Variants in UTY observed in about 807,000 individuals in gnomAD.
UTY encodes ubiquitously transcribed tetratricopeptide repeat containing, Y-linked.
Under a neutral mutation model 32.5 loss-of-function variants are expected in UTY, and 12 were observed. That is an observed-to-expected ratio of 0.37 (90% CI 0.24 to 0.60). The LOEUF is 0.60. Among genes scored for constraint, UTY ranks in the 20% least tolerant of loss-of-function variants. The pLI, the probability that UTY is intolerant of heterozygous loss-of-function variation, is 0.69. For missense variants in UTY, 303 were observed against 299.2 expected (o/e 1.01, Z -0.09); for synonymous variants, 131 against 103.4 (o/e 1.27, Z -1.62).
chrY:13,396,984 A>T lies in UTY; in HGVS notation c.556-12T>A. The stretch of plus-strand genomic sequence containing the variant: ...GCTAACTGAAAATGCTGCAAGAGAA[A>T]AGTAAAAATATTAATGCACTAAATT... On this transcript the variant is annotated splice_polypyrimidine_tract_variant and intron_variant, in intron 6 of 29. Transcript: ENST00000545955. 1 of 337,564 alleles carries T rather than the reference A, an allele frequency of 3.0e-6. No homozygotes were observed. The highest frequency in any genetic ancestry group is 4.1e-6 in the Non-Finnish European group (1 of 241,896). The allele number at this position is 337,564 out of a possible 400,897, so 84.2% of individuals were successfully genotyped here. A position where few individuals can be genotyped will look rare whatever the true frequency, so the allele number is the denominator to read the frequency against.
chrY:13,285,537 C>T, intron 27 of UTY, among the ~76,000 whole-genome samples: 1 of 34,300 alleles, frequency 2.9e-5, no homozygotes, highest in African/African-American at 1.1e-4. Flanking sequence ...AAGCTTTTCA[C>T]GAGTTAAAAA....
chrY:13,479,748 A>T lies in UTY; in HGVS notation c.-83T>A. 2.9e-6 allele frequency: 1 copy of T among 349,879 alleles called. No individual in the cohort carries two copies. Among genetic ancestry groups the T allele is most frequent in the Non-Finnish European group, 4.0e-6 (1 of 249,362 alleles). The allele number at this position is 349,879 out of a possible 400,897, so 87.3% of individuals were successfully genotyped here. ...AAGACGCCTTCAATCGCTGCTTGAG[A>T]CTGTGACGCCAATTTTATCGCCTCC... On this transcript the variant is annotated 5_prime_UTR_variant, in exon 1 of 30. Transcript: ENST00000545955.
At chrY:13,435,537 T>C (rs2074452857) in intron 4 of UTY, among the ~76,000 whole-genome samples, 1 of 34,497 alleles carries the variant, frequency 2.9e-5, no homozygotes, top group Non-Finnish European at 7.3e-5. Flanking sequence ...TCAAACAACA[T>C]GTAAGCAAGC....
chrY:13,343,457 A>C (rs2061639966), intron 17 of UTY, among the ~76,000 whole-genome samples: 14 of 32,981 alleles, frequency 4.2e-4, no homozygotes, highest in Non-Finnish European at 9.7e-4. Flanking sequence ...ACTGCTGCCA[A>C]AAGAGTGGGC....
chrY:13,472,898 G>A, intron 2 of UTY, among the ~76,000 whole-genome samples: 7 of 33,569 alleles, frequency 2.1e-4, no homozygotes, highest in Admixed American at 1.9e-3. Flanking sequence ...GAAACATTTT[G>A]AGATCATGCC....
chrY:13,461,981 T>C, intron 3 of UTY, among the ~76,000 whole-genome samples: 1 of 33,831 alleles, frequency 3.0e-5, no homozygotes, highest in African/African-American at 1.1e-4. Context: ...ACAAATGTTT[T>C]AAAATTGTAT....
chrY:13,327,082 T>C, intron 18 of UTY, among the ~76,000 whole-genome samples: 1 of 33,524 alleles, frequency 3.0e-5, no homozygotes, highest in Non-Finnish European at 7.4e-5. Flanking sequence ...TCTTTTAGTA[T>C]GCAAATAAGA....
intron 2 of UTY, chrY:13,478,926 A>G (rs2079405198): frequency 1.8e-5 from 1 of 56,714 alleles, no homozygotes; most frequent in Non-Finnish European, 3.5e-5. Flanking sequence ...GGGAAGAAGC[A>G]GGAAGTTATG....
intron 27 of UTY, among the ~76,000 whole-genome samples, chrY:13,267,955 ATTTTTTCCTTCATTTCAACC>A (rs2055974906): frequency 6.3e-5 from 2 of 31,949 alleles, no homozygotes; most frequent in Non-Finnish European, 1.5e-4. Context: ...TGCCCTTAAC[ATTTTTTCCTTCATTTCAACC>A]TTGGTGAATC....
At chrY:13,394,277 A>G (rs2067899420) in intron 7 of UTY, among the ~76,000 whole-genome samples, 1 of 33,617 alleles carries the variant, frequency 3.0e-5, no homozygotes. Flanking sequence ...TTTTACGTTA[A>G]AAACATAATA....
chrY:13,278,942 C>T, intron 27 of UTY, among the ~76,000 whole-genome samples: 2 of 33,935 alleles, frequency 5.9e-5, no homozygotes, highest in Middle Eastern at 0.027. Context: ...AGAGCCAGTG[C>T]GCTGTGCTGG....
chrY:13,279,943 A>T, intron 27 of UTY, among the ~76,000 whole-genome samples: 1 of 34,359 alleles, frequency 2.9e-5, no homozygotes, highest in African/African-American at 1.1e-4. Flanking sequence ...AATGCATCAG[A>T]GATTTCTAAT....
At chrY:13,247,912 T>G, downstream of UTY, among the ~76,000 whole-genome samples, 1 of 33,356 alleles carries the variant, frequency 3.0e-5, no homozygotes, top group Non-Finnish European at 7.4e-5. Flanking sequence ...GTATTCTAGA[T>G]GTTTCCTGAT....
At chrY:13,385,935 A>G in intron 8 of UTY, among the ~76,000 whole-genome samples, 1 of 31,633 alleles carries the variant, frequency 3.2e-5, no homozygotes, top group Non-Finnish European at 7.6e-5. Flanking sequence ...AATAATGATT[A>G]TTTCACCTTT....
intron 3 of UTY, among the ~76,000 whole-genome samples, chrY:13,464,844 C>A (rs2077751298): frequency 3.0e-5 from 1 of 33,071 alleles, no homozygotes. Context: ...CTTGGGAGGC[C>A]AAGGCGGGTG....
At chrY:13,423,440 C>G in intron 4 of UTY, among the ~76,000 whole-genome samples, 2 of 33,563 alleles carry the variant, frequency 6.0e-5, no homozygotes, top group Non-Finnish European at 1.5e-4. Context: ...AAAAGCTTAT[C>G]TTCCATCCTT....
At chrY:13,305,924 AAG>A in intron 23 of UTY, 112 bp downstream of exon 23, 2 of 223,881 alleles carry the variant, frequency 8.9e-6, no homozygotes, top group Non-Finnish European at 1.4e-5. Context: ...ACAAGAAACA[AAG>A]AGAGAGAGAT....
intron 15 of UTY, among the ~76,000 whole-genome samples, chrY:13,357,563 C>A (rs2063071205): frequency 3.3e-5 from 1 of 30,749 alleles, no homozygotes; most frequent in Non-Finnish European, 7.9e-5. Context: ...AAAAAAAAAA[C>A]AATACACAAA....
At chrY:13,341,859 G>A in intron 17 of UTY, among the ~76,000 whole-genome samples, 6 of 33,274 alleles carry the variant, frequency 1.8e-4, no homozygotes, top group African/African-American at 7.1e-4. Context: ...GTGACTGGAG[G>A]ACAGGAAGTC....
Sources: gnomAD v4.1 joint callset for allele counts (sites outside exome capture counted in the v4.1 genomes callset) on GRCh38, gnomAD v4.1.1 for gene constraint, MANE v1.5 for transcripts, NCBI Gene and HGNC (gene_info 2026-07-23, HGNC 2026-07-21) for gene names.